RASGRF2: variants seen among roughly 807,000 people sequenced by gnomAD.
RASGRF2 encodes ras-specific guanine nucleotide-releasing factor 2.
A neutral mutation model predicts 151.0 loss-of-function variants in RASGRF2; 76 were observed. The observed-to-expected ratio is 0.50, with a 90% CI of 0.42 to 0.61. The LOEUF is 0.61. Among genes scored for constraint, RASGRF2 ranks in the 20% least tolerant of loss-of-function variants. The probability of loss-of-function intolerance (pLI) is 0.00; values close to 1 mark genes in which losing one functional copy is unlikely to be tolerated. For synonymous variants in RASGRF2, 504 were observed against 566.5 expected (o/e 0.89, Z 1.57); for missense variants, 1,148 against 1,564.6 (o/e 0.73, Z 4.49).
intron 1 of RASGRF2, chr5:80,997,326 T>C (rs1748915529): frequency 6.6e-6 from 1 of 152,214 alleles, no homozygotes. Context: ...TCTTTGGTGC[T>C]CAAAGATACT....
intron 1 of RASGRF2, among the ~76,000 whole-genome samples, chr5:81,039,077 G>T (rs1198408781): frequency 6.6e-6 from 1 of 152,060 alleles, no homozygotes; most frequent in South Asian, 2.1e-4. Context: ...AGATCATAAA[G>T]ATATTCTCTT....
chr5:80,968,674 A>G (rs1747802112), intron 1 of RASGRF2, among the ~76,000 whole-genome samples: 1 of 152,142 alleles, frequency 6.6e-6, no homozygotes, highest in African/African-American at 2.4e-5. Context: ...TCTTAAAGGG[A>G]AGGAAGTTTG....
chr5:81,044,098 G>A (rs962703962), intron 2 of RASGRF2, among the ~76,000 whole-genome samples: 1 of 152,132 alleles, frequency 6.6e-6, no homozygotes, highest in Non-Finnish European at 1.5e-5. Context: ...AGGTGATCAG[G>A]AGATTTCTTC....
chr5:81,171,168 G>A (rs944602133), intron 17 of RASGRF2, among the ~76,000 whole-genome samples: 3 of 152,064 alleles, frequency 2.0e-5, no homozygotes, highest in African/African-American at 4.8e-5. Context: ...CCTTGCATAC[G>A]CAGGCGCATG....
intron 1 of RASGRF2, among the ~76,000 whole-genome samples, chr5:80,974,985 G>T (rs1051100976): frequency 3.9e-5 from 6 of 152,126 alleles, no homozygotes; most frequent in Non-Finnish European, 1.5e-5. Context: ...CTGAGAGCTT[G>T]TCTACTTCCA....
chr5:80,985,767 G>A (rs563196342), intron 1 of RASGRF2, among the ~76,000 whole-genome samples: 1 of 152,154 alleles, frequency 6.6e-6, no homozygotes, highest in African/African-American at 2.4e-5. Context: ...GGATGTGGAG[G>A]GGGTGGAGTA....
At chr5:81,121,350 T>C (rs1753302603) in intron 15 of RASGRF2, among the ~76,000 whole-genome samples, 1 of 152,220 alleles carries the variant, frequency 6.6e-6, no homozygotes, top group African/African-American at 2.4e-5. Context: ...CATTGTATAA[T>C]ATCAGTTTTG....
intron 1 of RASGRF2, among the ~76,000 whole-genome samples, chr5:81,027,742 C>G (rs1437044862): frequency 6.6e-6 from 1 of 152,198 alleles, no homozygotes; most frequent in Admixed American, 6.5e-5. Context: ...AAAAACATTT[C>G]TGCTATGCGA....
chr5:80,995,390 A>G (rs1213201432), intron 1 of RASGRF2, among the ~76,000 whole-genome samples: 2 of 56,506 alleles, frequency 3.5e-5, no homozygotes, highest in African/African-American at 5.7e-5. Context: ...ATATATATAT[A>G]TATATATATA....
intron 17 of RASGRF2, among the ~76,000 whole-genome samples, chr5:81,138,831 A>C (rs1332237905): frequency 3.3e-5 from 5 of 152,014 alleles, no homozygotes; most frequent in Non-Finnish European, 7.4e-5. Flanking sequence ...TGGTGTGTCC[A>C]AGAAAAGTTG....
intron 1 of RASGRF2, among the ~76,000 whole-genome samples, chr5:80,998,782 T>G (rs569262): frequency 0.85 from 129,045 of 152,166 alleles, 55,089 homozygotes; most frequent in Middle Eastern, 0.93. Context: ...GCTTCTGGCC[T>G]GGTTCAGCCA....
chr5:81,155,398 T>A (rs910336230), intron 17 of RASGRF2, among the ~76,000 whole-genome samples: 2 of 152,032 alleles, frequency 1.3e-5, no homozygotes. Flanking sequence ...AGAAAATTTT[T>A]AAAAAGCCAA....
At chr5:80,988,274 C>T (rs1305019841) in intron 1 of RASGRF2, among the ~76,000 whole-genome samples, 1 of 152,098 alleles carries the variant, frequency 6.6e-6, no homozygotes. Flanking sequence ...TGGTCTCAAA[C>T]TCCTGGGCTG....
chr5:81,020,867 A>G (rs476036), intron 1 of RASGRF2, among the ~76,000 whole-genome samples: 56,557 of 152,124 alleles, frequency 0.37, 10,710 homozygotes, highest in Middle Eastern at 0.53. Context: ...AGCTGCACTC[A>G]GTCCTACGAG....
chr5:81,128,727 A>T (rs559995634), intron 17 of RASGRF2, among the ~76,000 whole-genome samples: 1 of 152,306 alleles, frequency 6.6e-6, no homozygotes, highest in South Asian at 2.1e-4. Flanking sequence ...GTTAATTTTC[A>T]GGGTAAAGAA....
intron 1 of RASGRF2, among the ~76,000 whole-genome samples, chr5:81,041,924 C>G (rs965587396): frequency 2.0e-5 from 3 of 152,182 alleles, no homozygotes; most frequent in African/African-American, 7.2e-5. Flanking sequence ...GAATATCACA[C>G]AACAGGAATC....
At chr5:80,984,888 A>C (rs1341043299) in intron 1 of RASGRF2, among the ~76,000 whole-genome samples, 1 of 152,216 alleles carries the variant, frequency 6.6e-6, no homozygotes, top group Non-Finnish European at 1.5e-5. Context: ...AATATTTTAA[A>C]GATAAATGTA....
intron 17 of RASGRF2, among the ~76,000 whole-genome samples, chr5:81,176,737 A>G (rs1435029412): frequency 6.6e-6 from 1 of 152,132 alleles, no homozygotes; most frequent in African/African-American, 2.4e-5. Flanking sequence ...TCATTGGCCT[A>G]GGCCACTTTT....
chr5:81,171,295 A>G (rs1200419298), intron 17 of RASGRF2, among the ~76,000 whole-genome samples: 7 of 152,214 alleles, frequency 4.6e-5, no homozygotes, highest in African/African-American at 1.4e-4. Context: ...ATTTTGTAGA[A>G]AGAAATACAG....
Sources: allele counts gnomAD v4.1 joint callset (sites outside exome capture counted in the v4.1 genomes callset), GRCh38; gene constraint gnomAD v4.1.1; transcripts MANE v1.5; gene names NCBI Gene and HGNC (gene_info 2026-07-23, HGNC 2026-07-21).